GADL1: variants seen among roughly 807,000 people sequenced by gnomAD.
The protein encoded by GADL1 is GAD like acidic amino acid decarboxylase 1, also known as acidic amino acid decarboxylase GADL1.
In GADL1, 71 loss-of-function variants were observed where a neutral mutation model predicts 69.5. The ratio of observed to expected loss-of-function variants is 1.02; its 90% CI spans 0.84 to 1.25. The LOEUF is 1.25. Among genes scored for constraint, GADL1 ranks in the 50% most tolerant of loss-of-function variants. GADL1 has a pLI of 0.00. For synonymous variants in GADL1, 254 were observed against 214.4 expected (o/e 1.18, Z -1.62); for missense variants, 737 against 631.8 (o/e 1.17, Z -1.79).
intron 12 of GADL1, among the ~76,000 whole-genome samples, chr3:30,790,633 C>CTA (rs2125501782): frequency 6.6e-6 from 1 of 152,222 alleles, no homozygotes; most frequent in Admixed American, 6.5e-5. Flanking sequence ...TAGAAAGTTG[C>CTA]TATAAACCTT....
In GADL1 at chr3:30,834,262, G is replaced by T; in HGVS notation, c.923C>A (p.Ala308Asp). The T allele has an allele frequency of 1.2e-6, 2 of 1,612,728 alleles. No homozygotes were observed. The highest frequency in any genetic ancestry group is 1.7e-6 in the Non-Finnish European group (2 of 1,179,082). Reference sequence around the variant, plus strand: ...CTTGCGGTGCTTCCTCGACATCAAAGCTGAGCCACCCCAAGAAGCCTGTTG... The same window carrying T: ...CTTGCGGTGCTTCCTCGACATCAAATCTGAGCCACCCCAAGAAGCCTGTTG... ...LHVDASWGGSALMSRKHRKLL... is the reference protein window; with the variant it reads ...LHVDASWGGSDLMSRKHRKLL... The change falls in exon 10 of 15, where the codon GCT becomes GAT. Residue 308 changes from alanine (A) to aspartate (D), a missense_variant. Physicochemically the swap from Ala to Asp is moderately radical, Grantham distance 126. Coordinates refer to ENST00000282538, the MANE Select transcript of GADL1 (RefSeq NM_207359.3).
At chr3:30,848,021 G>T (rs576231887) in intron 6 of GADL1, among the ~76,000 whole-genome samples, 1 of 152,200 alleles carries the variant, frequency 6.6e-6, no homozygotes, top group South Asian at 2.1e-4. Context: ...TGATAACCTG[G>T]GCGCTATTTA....
At chr3:30,888,104 T>C (rs1241278155) in intron 1 of GADL1, among the ~76,000 whole-genome samples, 2 of 152,218 alleles carry the variant, frequency 1.3e-5, no homozygotes, top group Admixed American at 6.5e-5. Flanking sequence ...GTATTGTTTT[T>C]GCGTTATTTT....
At chr3:30,738,736 C>T (rs764288848) in intron 14 of GADL1, among the ~76,000 whole-genome samples, 11 of 152,094 alleles carry the variant, frequency 7.2e-5, no homozygotes, top group South Asian at 2.1e-4. Flanking sequence ...GCTTTAGTTT[C>T]GGCACTACTG....
chr3:30,881,890 T>C (rs140228498), intron 1 of GADL1, among the ~76,000 whole-genome samples: 37 of 151,866 alleles, frequency 2.4e-4, no homozygotes, highest in African/African-American at 8.7e-4. Context: ...AAGGCAAGAG[T>C]GTAGCCTCCT....
intron 14 of GADL1, among the ~76,000 whole-genome samples, chr3:30,730,019 A>G (rs571692869): frequency 6.6e-6 from 1 of 152,340 alleles, no homozygotes; most frequent in Non-Finnish European, 1.5e-5. Flanking sequence ...AGCATGGGCC[A>G]TCAGGTTCTA....
At chr3:30,737,077 G>A (rs927699752) in intron 14 of GADL1, among the ~76,000 whole-genome samples, 1 of 151,988 alleles carries the variant, frequency 6.6e-6, no homozygotes, top group South Asian at 2.1e-4. Context: ...TGTCCCAAAC[G>A]TACAAGAAAA....
chr3:30,775,012 G>GAT (rs1416598719), intron 14 of GADL1, among the ~76,000 whole-genome samples: 2 of 151,936 alleles, frequency 1.3e-5, no homozygotes, highest in Non-Finnish European at 2.9e-5. Context: ...GAAGACCTAA[G>GAT]ATATCATAAT....
chr3:30,728,811 TC>T (rs1695409502), intron 14 of GADL1, among the ~76,000 whole-genome samples: 1 of 152,104 alleles, frequency 6.6e-6, no homozygotes, highest in African/African-American at 2.4e-5. Context: ...ACAGTCTCAT[TC>T]TCAAATTTGT....
At chr3:30,885,069 A>T (rs898481559) in intron 1 of GADL1, among the ~76,000 whole-genome samples, 6 of 152,078 alleles carry the variant, frequency 3.9e-5, no homozygotes, top group African/African-American at 1.4e-4. Flanking sequence ...CCAAATATAA[A>T]TTGATCAAGA....
chr3:30,752,097 T>C (rs1177021308), intron 14 of GADL1, among the ~76,000 whole-genome samples: 2 of 147,646 alleles, frequency 1.4e-5, no homozygotes, highest in Non-Finnish European at 2.9e-5. Flanking sequence ...ACTGCTGTGG[T>C]TTCTCATTCC....
intron 1 of GADL1, among the ~76,000 whole-genome samples, chr3:30,894,024 CT>C (rs996147562): frequency 6.6e-6 from 1 of 152,170 alleles, no homozygotes; most frequent in African/African-American, 2.4e-5. Flanking sequence ...TAAGTGGCAC[CT>C]GAGTTATAAA....
intron 14 of GADL1, among the ~76,000 whole-genome samples, chr3:30,753,574 C>T (rs9819761): frequency 0.43 from 64,561 of 151,570 alleles, 14,241 homozygotes; most frequent in African/African-American, 0.53. Flanking sequence ...CTCTTTCAAA[C>T]AAGCGTCGGA....
intron 1 of GADL1, among the ~76,000 whole-genome samples, chr3:30,864,425 T>C (rs1698366583): frequency 6.6e-6 from 1 of 151,608 alleles, no homozygotes; most frequent in Non-Finnish European, 1.5e-5. Flanking sequence ...CAACACCCAC[T>C]CGTAACCAGA....
intron 14 of GADL1, among the ~76,000 whole-genome samples, chr3:30,746,162 T>C (rs1695699962): frequency 6.6e-6 from 1 of 152,008 alleles, no homozygotes; most frequent in Non-Finnish European, 1.5e-5. Flanking sequence ...CTAATTTTTG[T>C]AGTTTTAGTA....
chr3:30,764,664 T>C (rs1327907205), intron 14 of GADL1, among the ~76,000 whole-genome samples: 3 of 152,226 alleles, frequency 2.0e-5, no homozygotes, highest in East Asian at 3.8e-4. Flanking sequence ...AGTTCCCATG[T>C]GAATTCTCTG....
At chr3:30,755,124 C>CTT (rs965816055) in intron 14 of GADL1, among the ~76,000 whole-genome samples, 2 of 147,870 alleles carry the variant, frequency 1.4e-5, no homozygotes, top group African/African-American at 5.4e-5. Flanking sequence ...TTAAAGCTGA[C>CTT]TTGGGACTCT....
intron 12 of GADL1, among the ~76,000 whole-genome samples, chr3:30,792,370 C>T (rs1696942505): frequency 6.6e-6 from 1 of 152,078 alleles, no homozygotes; most frequent in East Asian, 1.9e-4. Flanking sequence ...TCCAGGAGTT[C>T]AAGACCAGCC....
chr3:30,833,275 T>C (rs898255945), intron 11 of GADL1, among the ~76,000 whole-genome samples: 6 of 152,040 alleles, frequency 3.9e-5, no homozygotes, highest in African/African-American at 1.4e-4. Context: ...CAACTTTTTT[T>C]CCACTTGCCT....
Sources: allele counts gnomAD v4.1 joint callset (sites outside exome capture counted in the v4.1 genomes callset), GRCh38; gene constraint gnomAD v4.1.1; transcripts MANE v1.5; gene names NCBI Gene and HGNC (gene_info 2026-07-23, HGNC 2026-07-21).